The following DDX4 variants were observed in gnomAD, a reference collection of about 807,000 sequenced individuals.
DDX4 encodes probable ATP-dependent RNA helicase DDX4.
In DDX4, 25 loss-of-function variants were observed where a neutral mutation model predicts 100.0. That is an observed-to-expected ratio of 0.25 (90% CI 0.18 to 0.35). DDX4 has a LOEUF of 0.35. Ranked by LOEUF, DDX4 falls within the 10% of genes least tolerant of loss-of-function variation. DDX4 has a pLI of 1.00. For missense variants in DDX4, 635 were observed against 882.4 expected (o/e 0.72, Z 3.55); for synonymous variants, 259 against 275.7 (o/e 0.94, Z 0.60).
intron 17 of DDX4, among the ~76,000 whole-genome samples, chr5:55,796,191 A>C (rs1011605212): frequency 6.6e-6 from 1 of 152,180 alleles, no homozygotes; most frequent in African/African-American, 2.4e-5. Context: ...GTCCACCCAC[A>C]TTGAGGGTGG....
chr5:55,778,755 A>G (rs1053597101), intron 7 of DDX4, among the ~76,000 whole-genome samples: 1 of 152,092 alleles, frequency 6.6e-6, no homozygotes, highest in Non-Finnish European at 1.5e-5. Flanking sequence ...TTAGCTGGGC[A>G]TGTTGGTTCA....
chr5:55,779,208 A>G (rs369752000), intron 7 of DDX4, among the ~76,000 whole-genome samples: 1 of 152,238 alleles, frequency 6.6e-6, no homozygotes, highest in South Asian at 2.1e-4. Context: ...TCATGAAAAT[A>G]TACCTTTACA....
chr5:55,750,567 C>T (rs899600284), intron 3 of DDX4, among the ~76,000 whole-genome samples: 2 of 152,084 alleles, frequency 1.3e-5, no homozygotes, highest in African/African-American at 4.8e-5. Context: ...CCAAATCTTC[C>T]AACGTGATCT....
intron 10 of DDX4, among the ~76,000 whole-genome samples, chr5:55,784,561 C>T (rs1231480704): frequency 1.3e-5 from 2 of 152,190 alleles, no homozygotes; most frequent in Non-Finnish European, 2.9e-5. Context: ...GGATTTGGGA[C>T]GGGTTCCCAC....
intron 18 of DDX4, among the ~76,000 whole-genome samples, chr5:55,800,538 A>T (rs1743234243): frequency 6.6e-6 from 1 of 151,998 alleles, no homozygotes; most frequent in Admixed American, 6.6e-5. Flanking sequence ...GTTAGCCAGG[A>T]TGGTCTTGAT....
intron 18 of DDX4, among the ~76,000 whole-genome samples, chr5:55,813,391 G>A (rs966128153): frequency 1.3e-5 from 2 of 152,186 alleles, no homozygotes; most frequent in Non-Finnish European, 2.9e-5. Context: ...GAGTTGGCAG[G>A]CAGATATGAT....
rs36230749 is a variant in DDX4, at chr5:55,748,538, TAATGA to T, written c.127+2326_127+2330del. 3.0e-3 allele frequency among the ~76,000 whole-genome samples: 464 copies of T among 152,248 alleles called. 4 individuals are homozygous for T. Among genetic ancestry groups the T allele is most frequent in the African/African-American group, 0.011 (442 of 41,548 alleles). ...GCATTAGACCTATGAATGTTTAGGC[TAATGA>T]AATGAAATCATTAATGAAAATCACT... is the stretch of plus-strand genomic sequence containing the variant. On this transcript the variant is annotated intron_variant, in intron 3 of 21. Transcript: ENST00000505374.
chr5:55,768,519 G>A (rs147743870), intron 7 of DDX4, among the ~76,000 whole-genome samples: 2 of 152,240 alleles, frequency 1.3e-5, no homozygotes, highest in African/African-American at 4.8e-5. Flanking sequence ...CCTTTGTCCA[G>A]TCTACTGTTG....
chr5:55,801,216 T>G (rs1347090480), intron 18 of DDX4, among the ~76,000 whole-genome samples: 2 of 120,256 alleles, frequency 1.7e-5, no homozygotes, highest in Admixed American at 8.1e-5. Flanking sequence ...TGATGGGGTG[T>G]TTTTTTTTTT....
At chr5:55,796,993 C>T (rs958997843) in intron 17 of DDX4, among the ~76,000 whole-genome samples, 2 of 151,596 alleles carry the variant, frequency 1.3e-5, no homozygotes, top group Non-Finnish European at 2.9e-5. Flanking sequence ...TACAGGCATG[C>T]GCATACACAC....
intron 18 of DDX4, among the ~76,000 whole-genome samples, chr5:55,805,308 C>T (rs1389238618): frequency 6.6e-6 from 1 of 151,736 alleles, no homozygotes; most frequent in East Asian, 1.9e-4. Context: ...AATTGAATAC[C>T]CTTTATTTCC....
chr5:55,802,281 C>T (rs576468602), intron 18 of DDX4, among the ~76,000 whole-genome samples: 22 of 151,014 alleles, frequency 1.5e-4, no homozygotes, highest in Non-Finnish European at 2.5e-4. Context: ...CAGTGAGATG[C>T]GAGATCAGAT....
chr5:55,751,547 T>A (rs147439773), intron 3 of DDX4, among the ~76,000 whole-genome samples: 1 of 152,262 alleles, frequency 6.6e-6, no homozygotes, highest in African/African-American at 2.4e-5. Context: ...ATTGCTTTAC[T>A]ATGCATGTAT....
intron 14 of DDX4, among the ~76,000 whole-genome samples, chr5:55,786,936 CAAAGTGACTG>C (rs1172199696): frequency 6.6e-6 from 1 of 152,304 alleles, no homozygotes; most frequent in African/African-American, 2.4e-5. Flanking sequence ...GTATCTTAAA[CAAAGTGACTG>C]AAAGTCAAAG....
chr5:55,781,239 A>G, intron 9 of DDX4, 93 bp downstream of exon 9: 1 of 966,832 alleles, frequency 1.0e-6, no homozygotes, highest in Non-Finnish European at 1.5e-6. Context: ...AAAGTATACT[A>G]GTTTGGCTTA....
At chr5:55,804,397 C>T (rs1428712703) in intron 18 of DDX4, among the ~76,000 whole-genome samples, 1 of 152,036 alleles carries the variant, frequency 6.6e-6, no homozygotes, top group Non-Finnish European at 1.5e-5. Context: ...AGTCCTTGCC[C>T]ATGCCTATGT....
At chr5:55,751,088 A>T (rs1759522213) in intron 3 of DDX4, among the ~76,000 whole-genome samples, 1 of 152,180 alleles carries the variant, frequency 6.6e-6, no homozygotes, top group Non-Finnish European at 1.5e-5. Flanking sequence ...ATATTTCAAA[A>T]ATTGCTCTCC....
Position 55,781,095 on chromosome 5 carries a change from C to A in DDX4, c.526C>A (p.Gln176Lys), listed in dbSNP as rs1385095584. The change falls in exon 9 of 22, where the codon CAG becomes AAG. Residue 176 changes from glutamine to lysine, a missense_variant. This residue lies in a region of DDX4 where 446 missense variants were observed against 540.8 expected (regional missense o/e 0.82). Transcript: ENST00000505374. ...NNDLDPDECM[Q>K]RTGGLFGSRR... ...TGACTTAGACCCAGACGAATGTATG[C>A]AGCGCACTGGTGGCCTTTTTGGTTC... The A allele has an allele frequency of 6.2e-7, 1 of 1,612,214 alleles. No homozygotes were observed. The highest frequency in any genetic ancestry group is 8.5e-7 in the Non-Finnish European group (1 of 1,179,558).
At chr5:55,758,777 T>A (rs1760095084) in intron 3 of DDX4, among the ~76,000 whole-genome samples, 1 of 149,500 alleles carries the variant, frequency 6.7e-6, no homozygotes, top group South Asian at 2.1e-4. Flanking sequence ...TTATTAGTCC[T>A]CTAGTAGTTG....
Sources: allele counts gnomAD v4.1 joint callset (sites outside exome capture counted in the v4.1 genomes callset), GRCh38; gene constraint gnomAD v4.1.1; regional missense constraint gnomAD v4.1.1; transcripts MANE v1.5; gene names NCBI Gene and HGNC (gene_info 2026-07-23, HGNC 2026-07-21).